ARID1B: variants seen among roughly 807,000 people sequenced by gnomAD.
ARID1B encodes AT-rich interactive domain-containing protein 1B.
A neutral mutation model predicts 212.3 loss-of-function variants in ARID1B; 30 were observed. The observed-to-expected ratio is 0.14, with a 90% CI of 0.11 to 0.19. The LOEUF (loss-of-function observed/expected upper bound fraction) is 0.19. Among genes scored for constraint, ARID1B ranks in the 10% least tolerant of loss-of-function variants. The pLI is 1.00. For missense variants in ARID1B, 2,891 were observed against 3,204.0 expected, an observed-to-expected ratio of 0.90 and a Z score of 2.36; for synonymous variants, 1,402 against 1,301.7, an observed-to-expected ratio of 1.08 and a Z score of -1.66.
Position 157,092,735 on chromosome 6 carries a change from A to C in ARID1B, c.2491+7830A>C, listed in dbSNP as rs186434546. On this transcript the variant is annotated intron_variant, in intron 5 of 19. Transcript: ENST00000636930. Reference sequence around the variant, plus strand: ...AAAAAAAGTTGGGCAACTCAGTTTAAATTATCCTGTCAATTTCCGTTCCCT... The same window carrying C: ...AAAAAAAGTTGGGCAACTCAGTTTACATTATCCTGTCAATTTCCGTTCCCT... Among the ~76,000 whole-genome samples the C allele has an allele frequency of 1.1e-4, 16 of 152,268 alleles. No homozygotes were observed. In the East Asian group the frequency reaches 2.9e-3, roughly 28 times the overall value.
At position 157,203,382 on chromosome 6, in the gene ARID1B, G is replaced by A. The variant is rs762229202; in HGVS notation, c.5264-484G>A. 1.3e-5 allele frequency among the ~76,000 whole-genome samples: 2 copies of A among 152,226 alleles called. No individual in the cohort carries two copies. The highest frequency in any genetic ancestry group is 2.4e-5 in the African/African-American group (1 of 41,448). On this transcript the variant is annotated intron_variant, in intron 18 of 19. Transcript: ENST00000636930. The surrounding 1 kb of genome is among the most constrained non-coding windows in gnomAD (Gnocchi z 4.4). ...GAAAGCAGCCTGGGAAGCCAAGGCC[G>A]TGTGTCTGAGGAGGCTGTCTTGGAG... is the stretch of plus-strand genomic sequence containing the variant.
In ARID1B at chr6:156,897,211, TGCTGCTG is replaced by T. The variant is rs1562468174; in HGVS notation, c.1987-4164_1987-4158del. Among the ~76,000 whole-genome samples the T allele has an allele frequency of 2.1e-3, 168 of 78,516 alleles. 2 individuals carry two copies. The highest frequency in any genetic ancestry group is 0.011 in the Middle Eastern group (2 of 178). The allele number at this position is 78,516 out of a possible 152,430, so 51.5% of individuals were successfully genotyped here. ...CTGCTACTGCTGCTGCTGCTGCTGCTGCTGCTGCTTCTTCTTCTTCTTCTTCTTCTTC... is the reference window on the plus strand; with the variant it reads ...CTGCTACTGCTGCTGCTGCTGCTGCTCTTCTTCTTCTTCTTCTTCTTCTTC... On this transcript the variant is annotated intron_variant, in intron 2 of 19. Transcript: ENST00000636930.
chr6:157,098,772 G>T (rs1486737741), intron 5 of ARID1B, among the ~76,000 whole-genome samples: 2 of 152,154 alleles, frequency 1.3e-5, no homozygotes, highest in Admixed American at 6.5e-5. Context: ...AGTCGGTCCT[G>T]AGTGGAGTGG....
chr6:156,999,874 A>G (rs1327717028), intron 4 of ARID1B, among the ~76,000 whole-genome samples: 1 of 152,236 alleles, frequency 6.6e-6, no homozygotes, highest in East Asian at 1.9e-4. Context: ...GTTAGAAATC[A>G]CAGTTGCTGC....
intron 1 of ARID1B, among the ~76,000 whole-genome samples, chr6:156,815,642 TGA>T (rs1263421287): frequency 6.6e-6 from 1 of 152,156 alleles, no homozygotes; most frequent in African/African-American, 2.4e-5. Context: ...AAGCTTCACA[TGA>T]GAGGCCCAGT....
chr6:157,025,289 G>A (rs1780587564), intron 4 of ARID1B, among the ~76,000 whole-genome samples: 1 of 152,222 alleles, frequency 6.6e-6, no homozygotes, highest in African/African-American at 2.4e-5. Flanking sequence ...GAAACTATAG[G>A]ATATTGTTTG....
chr6:156,987,523 G>T (rs1338140400), intron 4 of ARID1B, among the ~76,000 whole-genome samples: 1 of 152,052 alleles, frequency 6.6e-6, no homozygotes, highest in Non-Finnish European at 1.5e-5. Flanking sequence ...GTAGAGATGG[G>T]GTTTCACCGT....
chr6:157,042,834 T>A (rs1409052114), intron 4 of ARID1B, among the ~76,000 whole-genome samples: 1 of 152,060 alleles, frequency 6.6e-6, no homozygotes, highest in Non-Finnish European at 1.5e-5. Context: ...AAGTTTTTTG[T>A]ATTTTTAGTA....
At chr6:157,106,992 T>C (rs1469647046) in intron 5 of ARID1B, among the ~76,000 whole-genome samples, 1 of 152,178 alleles carries the variant, frequency 6.6e-6, no homozygotes, top group Non-Finnish European at 1.5e-5. Flanking sequence ...GGCATAGGAT[T>C]TGCATAGTCT....
At chr6:157,195,605 A>T (rs1793658336) in intron 15 of ARID1B, 1 of 153,780 alleles carries the variant, frequency 6.5e-6, no homozygotes. Flanking sequence ...ATACCATCGT[A>T]TTCATAGGTC....
chr6:156,920,586 A>G (rs1360975860), intron 3 of ARID1B, among the ~76,000 whole-genome samples: 2 of 152,172 alleles, frequency 1.3e-5, no homozygotes, highest in South Asian at 2.1e-4. Flanking sequence ...TTATCTTCAG[A>G]TGTTTGAAAT....
intron 2 of ARID1B, among the ~76,000 whole-genome samples, chr6:156,831,952 A>G (rs1783172069): frequency 1.3e-5 from 2 of 152,256 alleles, no homozygotes; most frequent in African/African-American, 2.4e-5. Context: ...TCATGGGTCT[A>G]AATAATCTGT....
chr6:157,163,245 G>A (rs754502253), intron 8 of ARID1B, among the ~76,000 whole-genome samples: 10 of 152,236 alleles, frequency 6.6e-5, no homozygotes, highest in South Asian at 2.1e-4. Flanking sequence ...AACCCAGGTC[G>A]CTGTGGTCTC....
At chr6:157,146,925 G>C (rs375904019) in intron 7 of ARID1B, among the ~76,000 whole-genome samples, 1 of 152,122 alleles carries the variant, frequency 6.6e-6, no homozygotes, top group Non-Finnish European at 1.5e-5. Context: ...ATGGGTCCCC[G>C]AGCCAGTTTG....
intron 7 of ARID1B, chr6:157,140,508 C>T (rs116634479): frequency 0.014 from 5,427 of 397,550 alleles, 267 homozygotes; most frequent in African/African-American, 0.1. Flanking sequence ...TATTCCTTGG[C>T]TGATTTTATC....
chr6:157,163,951 T>C (rs548606587), intron 8 of ARID1B, among the ~76,000 whole-genome samples: 1 of 152,384 alleles, frequency 6.6e-6, no homozygotes, highest in Non-Finnish European at 1.5e-5. Flanking sequence ...TGTGTGACTT[T>C]AGGCAAGTTA....
chr6:156,815,268 A>ATT (rs1449440012), intron 1 of ARID1B, among the ~76,000 whole-genome samples: 1 of 152,104 alleles, frequency 6.6e-6, no homozygotes, highest in Non-Finnish European at 1.5e-5. Context: ...GTAGGGTAAA[A>ATT]TTTTCTACTG....
chr6:156,778,365 G>C lies in ARID1B; in HGVS notation c.685G>C (p.Gly229Arg). 22 of 1,539,764 alleles carry C rather than the reference G, an allele frequency of 1.4e-5. No individual in the cohort carries two copies. The highest frequency in any genetic ancestry group is 1.9e-5 in the Non-Finnish European group (22 of 1,146,278). Residue 229 changes from glycine to arginine, a missense_variant, in exon 1 of 20, where the codon GGC becomes CGC. Gly to Arg is a moderately radical substitution (Grantham distance 125). Transcript: ENST00000636930. Reference sequence around the variant, plus strand: ...CAACAGCTTGGGCGGCGCGGGCGGCGGCGCGCCTCAGCCCGGCCCCGACAT... The same window carrying C: ...CAACAGCTTGGGCGGCGCGGGCGGCCGCGCGCCTCAGCCCGGCCCCGACAT... Reference protein sequence around the residue: ...NNNSLGGAGGGAPQPGPDMEQ... With the variant: ...NNNSLGGAGGRAPQPGPDMEQ...
intron 4 of ARID1B, among the ~76,000 whole-genome samples, chr6:157,054,253 G>C (rs1039641554): frequency 2.0e-5 from 3 of 151,738 alleles, no homozygotes; most frequent in Non-Finnish European, 4.4e-5. Context: ...GCCAGGAGCT[G>C]TGTGATTCTT....
Sources: allele counts gnomAD v4.1 joint callset (sites outside exome capture counted in the v4.1 genomes callset), GRCh38; gene constraint gnomAD v4.1.1; non-coding constraint Gnocchi (gnomAD v3.1); transcripts MANE v1.5; gene names NCBI Gene and HGNC (gene_info 2026-07-23, HGNC 2026-07-21).